ADAMTS12: variants seen among roughly 807,000 people sequenced by gnomAD.
ADAMTS12 encodes the protein A disintegrin and metalloproteinase with thrombospondin motifs 12.
ADAMTS12 carries 118 observed loss-of-function variants against 167.8 expected under a neutral mutation model. The ratio of observed to expected loss-of-function variants is 0.70; its 90% CI spans 0.61 to 0.82. The LOEUF (loss-of-function observed/expected upper bound fraction) is 0.82. ADAMTS12 is among the 40% of genes least tolerant of loss of function. ADAMTS12 has a pLI of 0.00. For missense variants in ADAMTS12, 1,916 were observed against 1,998.8 expected (o/e 0.96, Z 0.79); for synonymous variants, 704 against 716.9 (o/e 0.98, Z 0.29).
chr5:33,821,778 G>C (rs1002406884), intron 2 of ADAMTS12, among the ~76,000 whole-genome samples: 2 of 152,088 alleles, frequency 1.3e-5, no homozygotes, highest in African/African-American at 4.8e-5. Context: ...CTCTAGCTGT[G>C]AACTTGCTAT....
At chr5:33,886,960 T>C (rs1750657147) in intron 1 of ADAMTS12, among the ~76,000 whole-genome samples, 1 of 152,080 alleles carries the variant, frequency 6.6e-6, no homozygotes, top group South Asian at 2.1e-4. Context: ...TTAGCATTGT[T>C]GGTTTTAAAG....
chr5:33,527,688 G>T (rs1743890953), intron 23 of ADAMTS12, among the ~76,000 whole-genome samples: 1 of 152,188 alleles, frequency 6.6e-6, no homozygotes, highest in Non-Finnish European at 1.5e-5. Context: ...ACTTGCTTTA[G>T]ATAATGGGAT....
At chr5:33,891,611 C>A in intron 1 of ADAMTS12, 119 bp downstream of exon 1, 1 of 1,474,812 alleles carries the variant, frequency 6.8e-7, no homozygotes, top group Admixed American at 2.1e-5. Context: ...CCTTACAACG[C>A]AGCCAAATGG....
At chr5:33,669,713 T>A (rs375308537) in intron 5 of ADAMTS12, among the ~76,000 whole-genome samples, 4 of 151,318 alleles carry the variant, frequency 2.6e-5, no homozygotes, top group African/African-American at 9.7e-5. Flanking sequence ...TAAATCCAGA[T>A]AATAAAGCAT....
At chr5:33,588,877 G>A in intron 17 of ADAMTS12, 68 bp from the exon 18 acceptor site, 1 of 1,562,932 alleles carries the variant, frequency 6.4e-7, no homozygotes, top group Non-Finnish European at 8.7e-7. Flanking sequence ...CAACCACTGA[G>A]AAAGCAGGGG....
At chr5:33,822,448 A>C (rs1319376912) in intron 2 of ADAMTS12, among the ~76,000 whole-genome samples, 2 of 152,054 alleles carry the variant, frequency 1.3e-5, no homozygotes, top group African/African-American at 2.4e-5. Context: ...GCAAATGAGG[A>C]AATTGGGTTA....
chr5:33,781,489 A>G (rs947678224), intron 2 of ADAMTS12, among the ~76,000 whole-genome samples: 1 of 152,106 alleles, frequency 6.6e-6, no homozygotes, highest in South Asian at 2.1e-4. Flanking sequence ...CAGACCAGGG[A>G]CCACACTAAG....
At chr5:33,685,514 T>C (rs1001695876) in intron 3 of ADAMTS12, among the ~76,000 whole-genome samples, 2 of 152,236 alleles carry the variant, frequency 1.3e-5, no homozygotes, top group Non-Finnish European at 2.9e-5. Flanking sequence ...CCTTCCTGGT[T>C]CCTCAGTTTC....
chr5:33,641,293 T>C (rs906034347), intron 11 of ADAMTS12, among the ~76,000 whole-genome samples: 2 of 152,164 alleles, frequency 1.3e-5, no homozygotes, highest in Non-Finnish European at 2.9e-5. Flanking sequence ...CTGCGGAACT[T>C]TAGGGTTTAT....
At chr5:33,809,975 GT>G (rs1167850082) in intron 2 of ADAMTS12, among the ~76,000 whole-genome samples, 1 of 93,792 alleles carries the variant, frequency 1.1e-5, no homozygotes, top group Non-Finnish European at 2.0e-5. Flanking sequence ...TCCTTAAGAA[GT>G]TTAACAGAAA....
chr5:33,842,467 A>C (rs1748780486), intron 2 of ADAMTS12, among the ~76,000 whole-genome samples: 1 of 152,242 alleles, frequency 6.6e-6, no homozygotes, highest in Non-Finnish European at 1.5e-5. Context: ...GGGAGGGTTC[A>C]CAAAAGTCTA....
chr5:33,690,069 C>G (rs541847067), intron 3 of ADAMTS12, among the ~76,000 whole-genome samples: 2 of 152,352 alleles, frequency 1.3e-5, no homozygotes, highest in South Asian at 4.1e-4. Flanking sequence ...CACTACCACA[C>G]ACTTGCACCC....
chr5:33,755,080 AAT>A (rs1745122669), intron 2 of ADAMTS12, among the ~76,000 whole-genome samples: 2 of 152,318 alleles, frequency 1.3e-5, no homozygotes, highest in South Asian at 4.1e-4. Flanking sequence ...TCTCCAGATC[AAT>A]AACATCCCCC....
chr5:33,547,475 G>C lies in ADAMTS12; in HGVS notation c.4303-1273C>G, dbSNP rs73758592. ...CTGCCATGGAGGGTAGTTGAGGCGG[G>C]CCGATATGCTTGCCAGATGGGTTCG... On this transcript the variant is annotated intron_variant, in intron 21 of 23. Coordinates refer to ENST00000504830, the MANE Select transcript of ADAMTS12 (RefSeq NM_030955.4). Among the ~76,000 whole-genome samples the C allele has an allele frequency of 5.9e-3, 905 of 152,202 alleles. 6 individuals are homozygous for C. Among genetic ancestry groups the C allele is most frequent in the African/African-American group, 0.021 (890 of 41,534 alleles).
At chr5:33,683,154 A>C in intron 4 of ADAMTS12, 53 bp from the exon 5 acceptor site, 1 of 1,360,580 alleles carries the variant, frequency 7.3e-7, no homozygotes. Context: ...TAATAAATAA[A>C]TACCAGAGAA....
chr5:33,778,170 T>C (rs1745984198), intron 2 of ADAMTS12, among the ~76,000 whole-genome samples: 1 of 152,064 alleles, frequency 6.6e-6, no homozygotes. Context: ...ATGGAAAAAA[T>C]TCTGAAATTC....
Position 33,525,372 on chromosome 5 carries a change from A to T in ADAMTS12, c.*1816T>A, listed in dbSNP as rs185767420. 1.2e-4 allele frequency: 18 copies of T among 152,350 alleles called. No homozygotes were observed. The highest frequency in any genetic ancestry group is 3.4e-3 in the Middle Eastern group (1 of 296). 9.4% of individuals were successfully genotyped at this position (152,350 alleles called of 1,614,324 possible). On this transcript the variant is annotated 3_prime_UTR_variant, in exon 24 of 24. Coordinates refer to ENST00000504830, the MANE Select transcript of ADAMTS12 (RefSeq NM_030955.4). ...CTGTTTCTGGTCTATCTTGAATTTC[A>T]TCCCAATCCCACTGTTTTATTTTTC... is the stretch of plus-strand genomic sequence containing the variant.
chr5:33,830,782 ACT>A lies in ADAMTS12; in HGVS notation c.489+50335_489+50336del, dbSNP rs3037142. On this transcript the variant is annotated intron_variant, in intron 2 of 23. Transcript: ENST00000504830. ...ACTCCAGCCTAGGCAACACAGCAAA[ACT>A]CTGTCTGTATATATATAGCTTTCAT... 2.9e-4 allele frequency among the ~76,000 whole-genome samples: 44 copies of A among 151,878 alleles called. No individual in the cohort carries two copies. The East Asian group carries it at 7.5e-3, about 26-fold the overall frequency.
At chr5:33,800,210 G>T (rs1746945812) in intron 2 of ADAMTS12, among the ~76,000 whole-genome samples, 1 of 152,296 alleles carries the variant, frequency 6.6e-6, no homozygotes, top group Non-Finnish European at 1.5e-5. Flanking sequence ...CAAAATAATT[G>T]TGGAGATGTT....
Sources: gnomAD v4.1 joint callset for allele counts (sites outside exome capture counted in the v4.1 genomes callset) on GRCh38, gnomAD v4.1.1 for gene constraint, MANE v1.5 for transcripts, NCBI Gene and HGNC (gene_info 2026-07-23, HGNC 2026-07-21) for gene names.